Variants in DUXA observed in about 807,000 individuals in gnomAD.
DUXA encodes double homeobox protein A.
In DUXA, 25 loss-of-function variants were observed where a neutral mutation model predicts 27.5. That is an observed-to-expected ratio of 0.91 (90% confidence interval 0.66 to 1.27). The LOEUF (loss-of-function observed/expected upper bound fraction) is 1.27, where lower values mean the gene tolerates loss of function less well. Ranked by LOEUF, DUXA falls within the 50% of genes most tolerant of loss-of-function variation. DUXA has a pLI of 0.00. For synonymous variants in DUXA, 90 were observed against 80.5 expected (o/e 1.12, Z -0.63); for missense variants, 247 against 242.9 (o/e 1.02, Z -0.11).
At chr19:57,155,473 G>T (rs1007250023) in intron 4 of DUXA, 101 bp from the exon 5 acceptor site, 2 of 864,238 alleles carry the variant, frequency 2.3e-6, no homozygotes, top group Non-Finnish European at 1.8e-6. Context: ...TGAGACAGCG[G>T]TCTCTCTCAG....
At position 57,158,262 on chromosome 19, in the gene DUXA, A is replaced by G. The variant is rs886898893; in HGVS notation, c.438+66T>C. ...CATGATGAGGAACTGCCTGAGGCCC[A>G]TGTGGCTTCCCTTCCTGTATACCTA... On this transcript the variant is annotated intron_variant, in intron 4 of 5. Coordinates refer to ENST00000554048, the MANE Select transcript of DUXA (RefSeq NM_001012729.2). The G allele has an allele frequency of 7.0e-6, 11 of 1,577,690 alleles. No homozygotes were observed. In the African/African-American group the frequency reaches 9.4e-5, roughly 14 times the overall value.
rs2087016344 is a variant in DUXA, at chr19:57,160,746, T to A, written c.77A>T (p.Gln26Leu). The change falls in exon 2 of 6, where the codon CAG becomes CTG. Residue 26 changes from glutamine to leucine, a missense_variant. Gln to Leu is a moderately radical substitution (Grantham distance 113). Coordinates refer to ENST00000554048, the MANE Select transcript of DUXA (RefSeq NM_001012729.2). ...GAAGGTATTGATGAGGATTTTCAAC[T>A]GTTCTTCTGTGAATTTTGTGCGACA... The part of the protein sequence containing the change: ...RRCRTKFTEE[Q>L]LKILINTFNQ... The A allele has an allele frequency of 1.9e-6, 3 of 1,614,124 alleles. No homozygotes were observed. Among genetic ancestry groups the A allele is most frequent in the Middle Eastern group, 1.6e-4 (1 of 6,084 alleles).
At chr19:57,164,605 A>T (rs2087042094) in intron 1 of DUXA, among the ~76,000 whole-genome samples, 1 of 151,990 alleles carries the variant, frequency 6.6e-6, no homozygotes, top group South Asian at 2.1e-4. Context: ...TAATTTTTTT[A>T]AAAAAGGCTA....
intron 2 of DUXA, 45 bp downstream of exon 2, chr19:57,160,598 C>T (rs777644744): frequency 1.2e-5 from 20 of 1,603,338 alleles, no homozygotes; most frequent in Non-Finnish European, 1.7e-5. Context: ...GTTCTCTCTC[C>T]TGCCTTTTTA....
At chr19:57,166,554 C>G (rs577666335) in intron 1 of DUXA, among the ~76,000 whole-genome samples, 1 of 152,166 alleles carries the variant, frequency 6.6e-6, no homozygotes, top group East Asian at 1.9e-4. Context: ...GTGATCTGCC[C>G]ACCGCGGCCT....
In DUXA at chr19:57,161,263, T is replaced by G. The variant is rs543444950; in HGVS notation, c.26-466A>C. 1.6e-4 allele frequency among the ~76,000 whole-genome samples: 23 copies of G among 144,112 alleles called. No individual in the cohort carries two copies. The South Asian group carries it at 4.4e-3, about 28-fold the overall frequency. 94.5% of individuals were successfully genotyped at this position (144,112 alleles called of 152,430 possible). ...TCGCTTGAACCTGGGAGGCGGAGGT[T>G]GCAGTGAGCCGAGATCGTGCCATTG... On this transcript the variant is annotated intron_variant, in intron 1 of 5. Coordinates refer to ENST00000554048, the MANE Select transcript of DUXA (RefSeq NM_001012729.2).
chr19:57,167,446 T>C lies in DUXA; in HGVS notation c.-3A>G. On this transcript the variant is annotated 5_prime_UTR_variant, in exon 1 of 6. Coordinates refer to ENST00000554048, the MANE Select transcript of DUXA (RefSeq NM_001012729.2). ...TGTGAATAGGTGTCTTCGGCCATGCTGGAAGAGAGTCCTGAAGGCTGAGCC... is the reference window on the plus strand; with the variant it reads ...TGTGAATAGGTGTCTTCGGCCATGCCGGAAGAGAGTCCTGAAGGCTGAGCC... 6.2e-7 allele frequency: 1 copy of C among 1,613,626 alleles called. No homozygotes were observed. Among genetic ancestry groups the C allele is most frequent in the South Asian group, 1.1e-5 (1 of 90,928 alleles).
intron 1 of DUXA, among the ~76,000 whole-genome samples, chr19:57,164,405 G>A (rs760840652): frequency 8.6e-5 from 13 of 151,986 alleles, no homozygotes; most frequent in South Asian, 2.1e-4. Flanking sequence ...GAGAAACCCC[G>A]TCTCTACTAA....
At chr19:57,166,457 C>A (rs1366785377) in intron 1 of DUXA, among the ~76,000 whole-genome samples, 2 of 152,096 alleles carry the variant, frequency 1.3e-5, no homozygotes, top group Non-Finnish European at 2.9e-5. Flanking sequence ...CTACAGGCGC[C>A]CACCACCACG....
At chr19:57,164,528 T>C (rs1395105947) in intron 1 of DUXA, among the ~76,000 whole-genome samples, 3 of 152,000 alleles carry the variant, frequency 2.0e-5, no homozygotes, top group African/African-American at 7.3e-5. Flanking sequence ...TGAGCCGAGA[T>C]TGCACCATTG....
In DUXA at chr19:57,158,319, A is replaced by C; in HGVS notation, c.438+9T>G. ...TAGGAGATGGGACAACCACCTTCTT[A>C]TCACTCACTTGGACTCTTGACTCTG... On this transcript the variant is annotated intron_variant, in intron 4 of 5. Coordinates refer to ENST00000554048, the MANE Select transcript of DUXA (RefSeq NM_001012729.2). 16 of 1,611,632 alleles carry C rather than the reference A, an allele frequency of 9.9e-6. No homozygotes were observed. Among genetic ancestry groups the C allele is most frequent in the African/African-American group, 1.3e-5 (1 of 74,932 alleles).
At chr19:57,160,017 A>C (rs1295998832) in intron 2 of DUXA, among the ~76,000 whole-genome samples, 1 of 152,094 alleles carries the variant, frequency 6.6e-6, no homozygotes, top group East Asian at 1.9e-4. Flanking sequence ...AGGCAGAAGA[A>C]TCACTTGAAC....
intron 1 of DUXA, 138 bp from the exon 2 acceptor site, chr19:57,160,935 G>T: frequency 1.0e-6 from 1 of 959,820 alleles, no homozygotes; most frequent in Non-Finnish European, 1.5e-6. Flanking sequence ...ATACAAGTAT[G>T]GAGCTCTTGA....
At chr19:57,158,852 G>A (rs560551080) in intron 3 of DUXA, among the ~76,000 whole-genome samples, 14 of 152,236 alleles carry the variant, frequency 9.2e-5, no homozygotes, top group South Asian at 6.2e-4. Flanking sequence ...GCATAGTGGC[G>A]CGCACCTGTA....
At chr19:57,154,580 TTTAGACG>T in intron 5 of DUXA, 98 bp from the exon 6 acceptor site, 3 of 1,017,242 alleles carry the variant, frequency 2.9e-6, no homozygotes, top group East Asian at 3.1e-5. Flanking sequence ...TTTTTTTTTT[TTTAGACG>T]GAGTCTCACT....
chr19:57,166,844 A>G (rs11672447), intron 1 of DUXA, among the ~76,000 whole-genome samples: 36,835 of 152,132 alleles, frequency 0.24, 4,629 homozygotes, highest in East Asian at 0.28. Flanking sequence ...GGTGTTTTCT[A>G]GATATGAGGC....
At chr19:57,155,914 C>G (rs1345098013) in intron 4 of DUXA, among the ~76,000 whole-genome samples, 1 of 152,122 alleles carries the variant, frequency 6.6e-6, no homozygotes, top group Non-Finnish European at 1.5e-5. Flanking sequence ...GGTGATCCAC[C>G]CACCTCAGCC....
chr19:57,165,320 A>ATATATATATATATATAT (rs1380503736), intron 1 of DUXA, among the ~76,000 whole-genome samples: 58 of 96,554 alleles, frequency 6.0e-4, no homozygotes, highest in African/African-American at 9.4e-4. Context: ...AAAAAAAAAA[A>ATATATATATATATATAT]AAAAATATAT....
At chr19:57,156,585 T>C (rs1186153476) in intron 4 of DUXA, among the ~76,000 whole-genome samples, 1 of 152,050 alleles carries the variant, frequency 6.6e-6, no homozygotes, top group African/African-American at 2.4e-5. Context: ...ATTTTTTTCA[T>C]AGAGTTGTGG....
Sources: allele counts gnomAD v4.1 joint callset (sites outside exome capture counted in the v4.1 genomes callset), GRCh38; gene constraint gnomAD v4.1.1; transcripts MANE v1.5; gene names NCBI Gene and HGNC (gene_info 2026-07-23, HGNC 2026-07-21).